The following SMARCD3 variants were observed in gnomAD, a reference collection of about 807,000 sequenced individuals.
SMARCD3 encodes the protein SWI/SNF related BAF chromatin remodeling complex subunit D3.
In SMARCD3, 14 loss-of-function variants were observed where a neutral mutation model predicts 58.0. That is an observed-to-expected ratio of 0.24 (90% CI 0.16 to 0.38). SMARCD3 has a LOEUF of 0.38. SMARCD3 is among the 10% of genes least tolerant of loss of function. The pLI is 1.00. For missense variants in SMARCD3, 408 were observed against 636.9 expected (o/e 0.64, Z 3.87); for synonymous variants, 253 against 253.8 (o/e 1.00, Z 0.03).
In SMARCD3 at chr7:151,248,508, A is replaced by G; in HGVS notation, c.55T>C (p.Phe19Leu). 6.2e-7 allele frequency: 1 copy of G among 1,612,504 alleles called. No homozygotes were observed. The highest frequency in any genetic ancestry group is 8.5e-7 in the Non-Finnish European group (1 of 1,179,066). ...GARKATKSKL[F>L]EFLVHGVRPG... The stretch of plus-strand genomic sequence containing the variant: ...ACCACCCCATGGACCAGAAACTCAA[A>G]AAGTTTGCTTTTCGTGGCTTTGCGC... The change falls in exon 1 of 13, where the codon TTT (phenylalanine) becomes CTT (leucine). Residue 19 changes from phenylalanine (F) to leucine (L), a missense_variant. By Grantham distance (22) the Phe-to-Leu change is conservative. Transcript: ENST00000262188. The surrounding 1 kb of genome is among the most constrained non-coding windows in gnomAD (Gnocchi z 6.1).
At chr7:151,255,083 C>T (rs1328733395) in intron 2 of SMARCD3, among the ~76,000 whole-genome samples, 2 of 152,084 alleles carry the variant, frequency 1.3e-5, no homozygotes, top group Admixed American at 6.5e-5. Flanking sequence ...GAGCCCTCGA[C>T]CTGCCCTCGG....
rs1803092583 is a variant in SMARCD3, at chr7:151,243,354, AT to A, written c.333+304del. On this transcript the variant is annotated intron_variant, in intron 3 of 12. Coordinates refer to ENST00000262188, the MANE Select transcript of SMARCD3 (RefSeq NM_001003801.2). This position sits in a 1 kb window ranked among gnomAD's most constrained non-coding sequence, Gnocchi z 4.4. ...TGCTCAGGATCTCTGGCCACCTTCT[AT>A]CCCCTTCATTCTGCCTGGCAGCTTC... Among the ~76,000 whole-genome samples the A allele has an allele frequency of 6.6e-6, 1 of 151,930 alleles. No homozygotes were observed. The highest frequency in any genetic ancestry group is 2.4e-5 in the African/African-American group (1 of 41,330).
Position 151,245,655 on chromosome 7 carries a change from G to T in SMARCD3, c.95C>A (p.Ser32Tyr). Residue 32 changes from serine to tyrosine, a missense_variant, in exon 2 of 13, where the codon TCT becomes TAT. By Grantham distance (144) the Ser-to-Tyr change is moderately radical. Coordinates refer to ENST00000262188, the MANE Select transcript of SMARCD3 (RefSeq NM_001003801.2). The surrounding 1 kb of genome is among the most constrained non-coding windows in gnomAD (Gnocchi z 6.2). ...LVHGVRPGMP[S>Y]GARMPHQGAP... The stretch of plus-strand genomic sequence containing the variant: ...CCCCTGGTGGGGCATCCGGGCTCCA[G>T]ACGGCATCCCGGGGCGCTGGGGGTG... 8.8e-7 allele frequency: 1 copy of T among 1,138,416 alleles called. No homozygotes were observed. The highest frequency in any genetic ancestry group is 1.1e-6 in the Non-Finnish European group (1 of 903,584). The allele number at this position is 1,138,416 out of a possible 1,614,324, so 70.5% of individuals were successfully genotyped here.
In SMARCD3 at chr7:151,243,523, C is replaced by G. The variant is rs913957665; in HGVS notation, c.333+136G>C. The stretch of plus-strand genomic sequence containing the variant: ...ACCCCCTCCCTCTGGCCTGCGGAGC[C>G]TCACTTATTAATGAGCTTTTTTAAA... On this transcript the variant is annotated intron_variant, in intron 3 of 12. Coordinates refer to ENST00000262188, the MANE Select transcript of SMARCD3 (RefSeq NM_001003801.2). This position sits in a 1 kb window ranked among gnomAD's most constrained non-coding sequence, Gnocchi z 4.4. The G allele has an allele frequency of 4.5e-6, 3 of 671,576 alleles. No individual in the cohort carries two copies. Among genetic ancestry groups the G allele is most frequent in the Non-Finnish European group, 8.1e-6 (3 of 370,512 alleles). 41.6% of individuals were successfully genotyped at this position (671,576 alleles called of 1,614,324 possible).
rs61730151 is a variant in SMARCD3 at position 151,241,961 on chromosome 7, C to T, written c.693G>A (p.Thr231=). ...CCTGGAAGCCGTCCGTCTCCTGGGT[C>T]GTGGGTGTCCGATGCCACTGTCCAG... The part of the protein sequence containing the change: ...NHLVEWHRTP[T]TQETDGFQVK... The change falls in exon 7 of 13, where the codon ACG becomes ACA. Residue 231 remains threonine, a synonymous_variant. Transcript: ENST00000262188. This position sits in a 1 kb window ranked among gnomAD's most constrained non-coding sequence, Gnocchi z 5.3. 1,222 of 1,611,860 alleles carry T rather than the reference C, an allele frequency of 7.6e-4. 5 individuals are homozygous for T. The African/African-American group carries it at 0.013, about 17-fold the overall frequency.
chr7:151,269,887 A>G (rs1795116905), intron 2 of SMARCD3, among the ~76,000 whole-genome samples: 1 of 152,172 alleles, frequency 6.6e-6, no homozygotes, highest in African/African-American at 2.4e-5. Context: ...AAAACTGAGT[A>G]CCCCTTCCCC....
rs1228762451 is a variant in SMARCD3 at position 151,276,238 on chromosome 7, AGAAGGTGCCAGGCAGGGGAATGATGG to A, written c.-100+441_-100+466del. On this transcript the variant is annotated intron_variant, in intron 1 of 13. Transcript: ENST00000356800. The stretch of plus-strand genomic sequence containing the variant: ...GAAGACGGTGGCCAAGTGGAGACAG[AGAAGGTGCCAGGCAGGGGAATGATGG>A]GAAGGTGCTAGGTAGGGGAAGGAGG... Among the ~76,000 whole-genome samples the A allele has an allele frequency of 2.6e-5, 4 of 151,642 alleles. No individual in the cohort carries two copies. In the East Asian group the frequency reaches 7.8e-4, roughly 30 times the overall value.
upstream of SMARCD3, among the ~76,000 whole-genome samples, chr7:151,252,453 G>GAA (rs1443671276): frequency 1.3e-5 from 2 of 151,752 alleles, no homozygotes; most frequent in Non-Finnish European, 2.9e-5. Flanking sequence ...GAGAGAGAGA[G>GAA]AGCGAGAGAA....
rs1803204007 is a variant in SMARCD3 at position 151,245,318 on chromosome 7, G to A, written c.290+142C>T. 1.3e-5 allele frequency: 5 copies of A among 381,776 alleles called. No homozygotes were observed. Among genetic ancestry groups the A allele is most frequent in the Admixed American group, 4.6e-5 (1 of 21,728 alleles). 23.6% of individuals were successfully genotyped at this position (381,776 alleles called of 1,614,324 possible). On this transcript the variant is annotated intron_variant, in intron 2 of 12. Coordinates refer to ENST00000262188, the MANE Select transcript of SMARCD3 (RefSeq NM_001003801.2). This position sits in a 1 kb window ranked among gnomAD's most constrained non-coding sequence, Gnocchi z 6.2. ...TGCCCCCTAAGCCTACCTCCCCAGA[G>A]GGCATTCGACCCGGGAAGCCTCGCT...
chr7:151,251,819 C>A (rs1338478666), upstream of SMARCD3, among the ~76,000 whole-genome samples: 4 of 151,160 alleles, frequency 2.6e-5, no homozygotes. Flanking sequence ...CCGCTCCCCG[C>A]GCAGGGAGAG....
rs75837759 is a variant in SMARCD3 at position 151,247,570 on chromosome 7, G to A, written c.78+915C>T. ...CCTAGGGACTCTGGCCTTACTGAGA[G>A]GGTGTCTTCCTTGGGGTCACAACCA... On this transcript the variant is annotated intron_variant, in intron 1 of 12. Coordinates refer to ENST00000262188, the MANE Select transcript of SMARCD3 (RefSeq NM_001003801.2). Among the ~76,000 whole-genome samples the A allele has an allele frequency of 1.1e-3, 171 of 152,266 alleles. 4 individuals carry two copies. The East Asian group carries it at 0.03, about 27-fold the overall frequency.
intron 2 of SMARCD3, among the ~76,000 whole-genome samples, chr7:151,253,842 C>T (rs1389786612): frequency 6.6e-6 from 1 of 151,916 alleles, no homozygotes; most frequent in Non-Finnish European, 1.5e-5. Flanking sequence ...TGCTGGCGGG[C>T]AATAGGGCCA....
upstream of SMARCD3, among the ~76,000 whole-genome samples, chr7:151,250,369 C>T (rs984610599): frequency 1.3e-4 from 19 of 151,808 alleles, no homozygotes; most frequent in South Asian, 6.2e-4. Flanking sequence ...GGCCCTGACA[C>T]GGTGGGGATG....
Position 151,241,667 on chromosome 7 carries a change from A to T in SMARCD3, c.778-14T>A, listed in dbSNP as rs764384597. The T allele has an allele frequency of 1.9e-6, 3 of 1,606,364 alleles. No individual in the cohort carries two copies. The East Asian group carries it at 6.7e-5, about 36-fold the overall frequency. On this transcript the variant is annotated splice_polypyrimidine_tract_variant and intron_variant, in intron 7 of 12. Coordinates refer to ENST00000262188, the MANE Select transcript of SMARCD3 (RefSeq NM_001003801.2). This position sits in a 1 kb window ranked among gnomAD's most constrained non-coding sequence, Gnocchi z 5.3. Reference sequence around the variant, plus strand: ...GAACTGGGGAGGCTGGGAAAAGGGGACTGTGAAAGTTAGACCAAAGGGAGA... The same window carrying T: ...GAACTGGGGAGGCTGGGAAAAGGGGTCTGTGAAAGTTAGACCAAAGGGAGA...
At chr7:151,264,580 C>T (rs557869647) in intron 2 of SMARCD3, among the ~76,000 whole-genome samples, 187 of 152,274 alleles carry the variant, frequency 1.2e-3, no homozygotes, top group African/African-American at 4.1e-3. Flanking sequence ...GGGAGTTCCT[C>T]TGGAGGACGG....
At position 151,248,346 on chromosome 7, in the gene SMARCD3, C is replaced by T. The variant is rs1251173147; in HGVS notation, c.78+139G>A. ...GGGTGCCAGGGCGCCAGCACAGTCCCGCGGCCGGGCCGTGGGCCATGACGC... is the reference window on the plus strand; with the variant it reads ...GGGTGCCAGGGCGCCAGCACAGTCCTGCGGCCGGGCCGTGGGCCATGACGC... On this transcript the variant is annotated intron_variant, in intron 1 of 12. Coordinates refer to ENST00000262188, the MANE Select transcript of SMARCD3 (RefSeq NM_001003801.2). This position sits in a 1 kb window ranked among gnomAD's most constrained non-coding sequence, Gnocchi z 6.1. 22 of 761,540 alleles carry T rather than the reference C, an allele frequency of 2.9e-5. No individual in the cohort carries two copies. The highest frequency in any genetic ancestry group is 4.8e-5 in the Non-Finnish European group (22 of 458,532). The allele number at this position is 761,540 out of a possible 1,614,324, so 47.2% of individuals were successfully genotyped here. A position where few individuals can be genotyped will look rare whatever the true frequency, so the allele number is the denominator to read the frequency against.
chr7:151,248,055 C>T lies in SMARCD3; in HGVS notation c.78+430G>A, dbSNP rs1331225449. ...GGTCACCTGCTCCTTGCTCCGGAGA[C>T]ACAAGCAGTGACACTGTCCCAACGG... On this transcript the variant is annotated intron_variant, in intron 1 of 12. Transcript: ENST00000262188. The surrounding 1 kb of genome is among the most constrained non-coding windows in gnomAD (Gnocchi z 6.1). Among the ~76,000 whole-genome samples the T allele has an allele frequency of 6.6e-6, 1 of 152,166 alleles. No individual in the cohort carries two copies. The highest frequency in any genetic ancestry group is 1.5e-5 in the Non-Finnish European group (1 of 68,018).
Position 151,239,011 on chromosome 7 carries a change from A to C in SMARCD3, c.*92T>G. ...ACTTTTAATCCAGCCCCACACCCCA[A>C]GGTGGCAGAGGAGTGATGCTGGAGC... On this transcript the variant is annotated 3_prime_UTR_variant, in exon 13 of 13. Transcript: ENST00000262188. The surrounding 1 kb of genome is among the most constrained non-coding windows in gnomAD (Gnocchi z 7.0). The C allele has an allele frequency of 7.7e-7, 1 of 1,304,322 alleles. No homozygotes were observed. The allele number at this position is 1,304,322 out of a possible 1,614,324, so 80.8% of individuals were successfully genotyped here.
rs775200626 is a variant in SMARCD3, at chr7:151,242,274, G to A, written c.580-42C>T. Reference sequence around the variant, plus strand: ...GGGACCATGGGGGCAGAACAGGGACGAGGTGGGAGGAGCAGAAGGAGGCCA... The same window carrying A: ...GGGACCATGGGGGCAGAACAGGGACAAGGTGGGAGGAGCAGAAGGAGGCCA... On this transcript the variant is annotated intron_variant, in intron 5 of 12. Coordinates refer to ENST00000262188, the MANE Select transcript of SMARCD3 (RefSeq NM_001003801.2). The surrounding 1 kb of genome is among the most constrained non-coding windows in gnomAD (Gnocchi z 4.7). The A allele has an allele frequency of 2.6e-6, 4 of 1,509,638 alleles. No homozygotes were observed. The African/African-American group carries it at 4.1e-5, about 16-fold the overall frequency. The allele number at this position is 1,509,638 out of a possible 1,614,324, so 93.5% of individuals were successfully genotyped here.
Sources: allele counts gnomAD v4.1 joint callset (sites outside exome capture counted in the v4.1 genomes callset), GRCh38; gene constraint gnomAD v4.1.1; non-coding constraint Gnocchi (gnomAD v3.1); transcripts MANE v1.5; gene names NCBI Gene and HGNC (gene_info 2026-07-23, HGNC 2026-07-21).